The following FRY variants were observed in gnomAD, a reference collection of about 807,000 sequenced individuals.
FRY encodes FRY microtubule binding protein.
A neutral mutation model predicts 348.4 loss-of-function variants in FRY; 128 were observed. That is an observed-to-expected ratio of 0.37 (90% CI 0.32 to 0.43). The LOEUF (loss-of-function observed/expected upper bound fraction) is 0.43. Among genes scored for constraint, FRY ranks in the 20% least tolerant of loss-of-function variants. The pLI is 1.00. For synonymous variants in FRY, 1,370 were observed against 1,374.7 expected, an observed-to-expected ratio of 1.00 and a Z score of 0.08; for missense variants, 2,736 against 3,695.2, an observed-to-expected ratio of 0.74 and a Z score of 6.73.
At chr13:32,256,008 A>G (rs1887314167) in intron 51 of FRY, among the ~76,000 whole-genome samples, 1 of 152,216 alleles carries the variant, frequency 6.6e-6, no homozygotes, top group African/African-American at 2.4e-5. Context: ...GGAATGATGT[A>G]AAGCGAAGTA....
At chr13:32,265,638 G>A (rs375202879) in intron 54 of FRY, 22 bp downstream of exon 54, 5 of 1,609,504 alleles carry the variant, frequency 3.1e-6, no homozygotes, top group Non-Finnish European at 3.4e-6. Context: ...CTTGGCTGAT[G>A]TGAGTGGTGT....
At chr13:32,227,549 A>G (rs1174395779) in intron 39 of FRY, among the ~76,000 whole-genome samples, 2 of 152,226 alleles carry the variant, frequency 1.3e-5, no homozygotes, top group East Asian at 3.8e-4. Context: ...ACCCAGAGGT[A>G]TAGAATGTCA....
rs1034567234 is a variant in FRY at position 32,210,893 on chromosome 13, C to T, written c.4450C>T (p.Arg1484Cys). The part of the protein sequence containing the change: ...YIKKVAIYLC[R>C]NNTIQTMEEL... The stretch of plus-strand genomic sequence containing the variant: ...TAAAAAAGTGGCAATATACTTGTGC[C>T]GTAACAACACCATTCAAACCATGGA... Residue 1484 changes from arginine to cysteine, a missense_variant, in exon 34 of 61, where the codon CGT becomes TGT. By Grantham distance (180) the Arg-to-Cys change is radical (BLOSUM62 -3). This residue lies in a region of FRY where 794 missense variants were observed against 977.0 expected (regional missense o/e 0.81). Coordinates refer to ENST00000542859, the MANE Select transcript of FRY (RefSeq NM_023037.3). 9.9e-6 allele frequency: 16 copies of T among 1,613,824 alleles called. No homozygotes were observed. Among genetic ancestry groups the T allele is most frequent in the African/African-American group, 1.3e-5 (1 of 75,012 alleles).
At chr13:32,078,794 A>T in intron 1 of FRY, 40 bp from the exon 2 acceptor site, 1 of 1,412,412 alleles carries the variant, frequency 7.1e-7, no homozygotes, top group Non-Finnish European at 1.0e-6. Flanking sequence ...TATTTATGAC[A>T]TTATTATCAG....
At chr13:32,102,451 G>A (rs561986381) in intron 3 of FRY, among the ~76,000 whole-genome samples, 5 of 152,158 alleles carry the variant, frequency 3.3e-5, no homozygotes, top group Non-Finnish European at 7.3e-5. Context: ...TTGACGCTGT[G>A]CTAGGTACTG....
In FRY at chr13:32,237,466, C is replaced by A. The variant is rs776672515; in HGVS notation, c.5898C>A (p.Thr1966=). The part of the protein sequence containing the change: ...TGQLNMNPGT[T]SGNTATAERS... ...AACTAAACATGAACCCGGGAACCAC[C>A]AGCGGCAACACCGCAACTGCCGAAC... Residue 1966 remains threonine, a synonymous_variant, in exon 44 of 61, where the codon ACC becomes ACA. Transcript: ENST00000542859. This position sits in a 1 kb window ranked among gnomAD's most constrained non-coding sequence, Gnocchi z 6.3. 162 of 1,613,924 alleles carry A rather than the reference C, an allele frequency of 1.0e-4. No homozygotes were observed. The highest frequency in any genetic ancestry group is 1.3e-4 in the Non-Finnish European group (156 of 1,180,004).
intron 17 of FRY, among the ~76,000 whole-genome samples, chr13:32,163,925 A>AT (rs1461070908): frequency 2.6e-5 from 4 of 152,196 alleles, no homozygotes; most frequent in Non-Finnish European, 5.9e-5. Context: ...GAACAAATAA[A>AT]TATTCCTGAG....
At chr13:32,259,658 T>C (rs1375255673) in intron 51 of FRY, among the ~76,000 whole-genome samples, 1 of 152,218 alleles carries the variant, frequency 6.6e-6, no homozygotes, top group Non-Finnish European at 1.5e-5. Flanking sequence ...TGTATATTTG[T>C]CCCTATAATT....
At chr13:32,215,146 T>C (rs923564675) in intron 35 of FRY, among the ~76,000 whole-genome samples, 2 of 152,140 alleles carry the variant, frequency 1.3e-5, no homozygotes, top group East Asian at 1.9e-4. Context: ...TAACCTAACC[T>C]TGAGGCCCCA....
At chr13:32,282,411 T>C (rs138109410) in intron 58 of FRY, among the ~76,000 whole-genome samples, 280 of 152,380 alleles carry the variant, frequency 1.8e-3, no homozygotes, top group African/African-American at 6.5e-3. Flanking sequence ...TACTCATATC[T>C]GTTCTATTTC....
intron 58 of FRY, among the ~76,000 whole-genome samples, chr13:32,287,376 C>A (rs2138639678): frequency 6.6e-6 from 1 of 152,246 alleles, no homozygotes; most frequent in Middle Eastern, 3.4e-3. Context: ...TCATTATATT[C>A]AATGTTAATT....
intron 3 of FRY, among the ~76,000 whole-genome samples, chr13:32,104,067 A>G (rs1877371285): frequency 6.6e-6 from 1 of 152,174 alleles, no homozygotes; most frequent in African/African-American, 2.4e-5. Flanking sequence ...CCTTTCTTCA[A>G]AAACATTTTT....
intron 1 of FRY, among the ~76,000 whole-genome samples, chr13:32,053,621 A>G (rs943313622): frequency 3.3e-5 from 5 of 152,228 alleles, no homozygotes; most frequent in Non-Finnish European, 7.3e-5. Context: ...CAGAGTCCAT[A>G]CTTGGCCTCA....
intron 41 of FRY, among the ~76,000 whole-genome samples, chr13:32,234,158 A>T (rs1288260940): frequency 6.8e-6 from 1 of 147,556 alleles, no homozygotes; most frequent in African/African-American, 2.5e-5. Flanking sequence ...GTGGTGGCTC[A>T]TGCTTGTAAT....
intron 23 of FRY, among the ~76,000 whole-genome samples, chr13:32,181,575 C>CAAAAAAAAAAAAAA: frequency 1.7e-5 from 1 of 59,012 alleles, no homozygotes; most frequent in Admixed American, 1.9e-4. Context: ...ACTCCGTCAC[C>CAAAAAAAAAAAAAA]AAAAAAAAAA....
At chr13:32,294,764 C>T (rs1372222792) in intron 60 of FRY, among the ~76,000 whole-genome samples, 194 bp downstream of exon 60, 1 of 152,134 alleles carries the variant, frequency 6.6e-6, no homozygotes, top group African/African-American at 2.4e-5. Flanking sequence ...TTGGTTCTGG[C>T]CATTTGTCGT....
At chr13:32,195,714 C>G (rs776800786) in intron 29 of FRY, among the ~76,000 whole-genome samples, 121 of 152,154 alleles carry the variant, frequency 8.0e-4, no homozygotes, top group Non-Finnish European at 1.2e-3. Flanking sequence ...AATAATATCT[C>G]TAGTCACAAA....
At chr13:32,253,053 A>G (rs1887164015) in intron 50 of FRY, among the ~76,000 whole-genome samples, 1 of 152,206 alleles carries the variant, frequency 6.6e-6, no homozygotes, top group African/African-American at 2.4e-5. Flanking sequence ...CTTCAGACTC[A>G]TCCTGTCTGC....
In FRY at chr13:32,124,694, C is replaced by A; in HGVS notation, c.635+13C>A. ...AATACAAAGAAGGGTAAGATGATTT[C>A]TCACCTTAGAATGTTGAAGTTGGTG... On this transcript the variant is annotated intron_variant, in intron 6 of 60. Coordinates refer to ENST00000542859, the MANE Select transcript of FRY (RefSeq NM_023037.3). 6.5e-7 allele frequency: 1 copy of A among 1,539,486 alleles called. No homozygotes were observed. The highest frequency in any genetic ancestry group is 1.1e-5 in the South Asian group (1 of 89,568).
Sources: allele counts gnomAD v4.1 joint callset (sites outside exome capture counted in the v4.1 genomes callset), GRCh38; gene constraint gnomAD v4.1.1; regional missense constraint gnomAD v4.1.1; non-coding constraint Gnocchi (gnomAD v3.1); transcripts MANE v1.5; gene names NCBI Gene and HGNC (gene_info 2026-07-23, HGNC 2026-07-21).